The following KCTD1 variants were observed in gnomAD, a reference collection of about 807,000 sequenced individuals.
The protein encoded by KCTD1 is potassium channel tetramerization domain containing 1.
Under a neutral mutation model 66.0 loss-of-function variants are expected in KCTD1, and 24 were observed. The ratio of observed to expected loss-of-function variants is 0.36; its 90% CI spans 0.26 to 0.51. The LOEUF is 0.51. KCTD1 is among the 20% of genes least tolerant of loss of function. The probability of loss-of-function intolerance (pLI) is 0.95; values close to 1 mark genes in which losing one functional copy is unlikely to be tolerated. For missense variants in KCTD1, 943 were observed against 1,205.2 expected (o/e 0.78, Z 3.22); for synonymous variants, 511 against 517.2 (o/e 0.99, Z 0.16).
intron 1 of KCTD1, among the ~76,000 whole-genome samples, chr18:26,596,670 GTTC>G (rs1370202603): frequency 1.3e-5 from 2 of 152,166 alleles, no homozygotes; most frequent in African/African-American, 2.4e-5. Context: ...TAAATATCAG[GTTC>G]TTCTTCTGAA....
At chr18:26,486,296 A>G (rs1163329400) in intron 2 of KCTD1, among the ~76,000 whole-genome samples, 1 of 152,226 alleles carries the variant, frequency 6.6e-6, no homozygotes. Flanking sequence ...GTAACTTGCC[A>G]AGGGTTTCTG....
intron 1 of KCTD1, among the ~76,000 whole-genome samples, chr18:26,610,306 C>G (rs1987105876): frequency 2.0e-5 from 3 of 152,158 alleles, no homozygotes; most frequent in Admixed American, 6.5e-5. Context: ...GGCATGGTGG[C>G]TCATGCCTGT....
chr18:26,459,606 T>C lies in KCTD1; in HGVS notation c.2439+14A>G, dbSNP rs1170473680. 1 of 1,572,040 alleles carries C rather than the reference T, an allele frequency of 6.4e-7. No individual in the cohort carries two copies. Among genetic ancestry groups the C allele is most frequent in the Admixed American group, 1.7e-5 (1 of 57,928 alleles). On this transcript the variant is annotated intron_variant, in intron 4 of 4. Transcript: ENST00000580059. ...GTGGCATTTGATGCCACACAGTGCG[T>C]AACAATGCTATACCTGGACTGAGTT... is the stretch of plus-strand genomic sequence containing the variant.
intron 1 of KCTD1, among the ~76,000 whole-genome samples, chr18:26,542,404 A>C (rs545440673): frequency 3.9e-5 from 6 of 152,336 alleles, no homozygotes; most frequent in African/African-American, 1.2e-4. Context: ...AAAAGTTCTA[A>C]CATATGACAG....
chr18:26,530,552 A>G (rs1367070451), intron 1 of KCTD1, among the ~76,000 whole-genome samples: 1 of 152,200 alleles, frequency 6.6e-6, no homozygotes, highest in East Asian at 1.9e-4. Flanking sequence ...CCCACACCTC[A>G]CTAGGACAGC....
intron 1 of KCTD1, among the ~76,000 whole-genome samples, chr18:26,635,652 A>G (rs950737766): frequency 6.6e-6 from 1 of 152,192 alleles, no homozygotes; most frequent in African/African-American, 2.4e-5. Context: ...GTTAAAAACC[A>G]CATCAGTCAG....
chr18:26,643,845 C>T (rs1987882012), upstream of KCTD1, among the ~76,000 whole-genome samples: 1 of 152,048 alleles, frequency 6.6e-6, no homozygotes, highest in South Asian at 2.1e-4. Flanking sequence ...GCCTGTAGTC[C>T]CAGCTACTCG....
At position 26,495,241 on chromosome 18, in the gene KCTD1, C is replaced by G. The variant is rs577347997; in HGVS notation, c.1988+5831G>C. Among the ~76,000 whole-genome samples the G allele has an allele frequency of 2.0e-5, 3 of 152,232 alleles. No individual in the cohort carries two copies. The East Asian group carries it at 5.8e-4, about 29-fold the overall frequency. On this transcript the variant is annotated intron_variant, in intron 2 of 4. Transcript: ENST00000580059. ...AAAAGTGATAGCACAGAATCCCCAA[C>G]CCTAATACAGGATTACAGCAAACTC...
Position 26,500,334 on chromosome 18 carries a change from C to G in KCTD1, c.1988+738G>C, listed in dbSNP as rs543259320. Reference sequence around the variant, plus strand: ...CCTGAGAAGGCTGAGGTGGAAGGGTCACTTAAGCCCAGAAGGTCAAGGCTG... The same window carrying G: ...CCTGAGAAGGCTGAGGTGGAAGGGTGACTTAAGCCCAGAAGGTCAAGGCTG... On this transcript the variant is annotated intron_variant, in intron 2 of 4. Transcript: ENST00000580059. Among the ~76,000 whole-genome samples, 42 of 151,750 alleles carry G rather than the reference C, an allele frequency of 2.8e-4. No homozygotes were observed. The South Asian group carries it at 8.8e-3, about 32-fold the overall frequency.
Position 26,547,510 on chromosome 18 carries a change from G to A in KCTD1, c.1027C>T (p.Arg343Cys). The A allele has an allele frequency of 1.9e-6, 3 of 1,551,478 alleles. No individual in the cohort carries two copies. The highest frequency in any genetic ancestry group is 2.6e-6 in the Non-Finnish European group (3 of 1,146,994). The change falls in exon 1 of 5, where the codon CGC becomes TGC. Residue 343 changes from arginine to cysteine, a missense_variant. Physicochemically the swap from Arg to Cys is radical, Grantham distance 180. Coordinates refer to ENST00000580059, the MANE Select transcript of KCTD1 (RefSeq NM_001142730.3). ...SFGLAMDEDG[R>C]KFVYFKSLGP... ...AGGGACTTGAAGTAGACGAACTTGCGACCGTCCTCGTCCATGGCCAGCCCA... is the reference window on the plus strand; with the variant it reads ...AGGGACTTGAAGTAGACGAACTTGCAACCGTCCTCGTCCATGGCCAGCCCA...
chr18:26,636,577 T>G (rs1987728181), intron 1 of KCTD1, among the ~76,000 whole-genome samples: 1 of 152,200 alleles, frequency 6.6e-6, no homozygotes, highest in African/African-American at 2.4e-5. Context: ...GGGGAAAAAG[T>G]AATCGCGGTT....
intron 1 of KCTD1, among the ~76,000 whole-genome samples, chr18:26,528,762 T>G (rs1984292306): frequency 1.3e-5 from 2 of 152,140 alleles, no homozygotes; most frequent in South Asian, 4.1e-4. Flanking sequence ...ACTTGAAATC[T>G]CAGCTGCATT....
chr18:26,525,711 C>T (rs115606464), intron 1 of KCTD1, among the ~76,000 whole-genome samples: 402 of 152,296 alleles, frequency 2.6e-3, no homozygotes, highest in African/African-American at 9.3e-3. Flanking sequence ...AATATTTCCT[C>T]CCTCCCTGCC....
intron 1 of KCTD1, chr18:26,600,110 CT>C: frequency 6.2e-7 from 1 of 1,610,586 alleles, no homozygotes; most frequent in Non-Finnish European, 8.5e-7. Flanking sequence ...CAGGCTGCTT[CT>C]TGTGGGGAAG....
intron 1 of KCTD1, among the ~76,000 whole-genome samples, chr18:26,523,639 T>C (rs1984022780): frequency 6.6e-6 from 1 of 151,804 alleles, no homozygotes; most frequent in Non-Finnish European, 1.5e-5. Flanking sequence ...AATAATAAAA[T>C]TAAAAAATTT....
chr18:26,508,250 T>C (rs1983149563), intron 1 of KCTD1, among the ~76,000 whole-genome samples: 2 of 152,216 alleles, frequency 1.3e-5, no homozygotes, highest in African/African-American at 4.8e-5. Flanking sequence ...TTCCATTTCC[T>C]AGCTGCTTCC....
rs1283688892 is a variant in KCTD1, at chr18:26,546,934, C to G, written c.1603G>C (p.Ala535Pro). ...DVKSEAAPKR[A>P]LYESVFGSGE... ...GACCCGAACACAGACTCGTACAGGG[C>G]GCGCTTGGGCGCAGCCTCGGATTTC... Residue 535 changes from alanine (A) to proline (P), a missense_variant, in exon 1 of 5, where the codon GCC becomes CCC. By Grantham distance (27) the Ala-to-Pro change is conservative. Coordinates refer to ENST00000580059, the MANE Select transcript of KCTD1 (RefSeq NM_001142730.3). The G allele has an allele frequency of 1.4e-6, 2 of 1,475,346 alleles. No homozygotes were observed. Among genetic ancestry groups the G allele is most frequent in the Non-Finnish European group, 1.8e-6 (2 of 1,110,058 alleles). The allele number at this position is 1,475,346 out of a possible 1,614,324, so 91.4% of individuals were successfully genotyped here.
intron 1 of KCTD1, among the ~76,000 whole-genome samples, chr18:26,576,891 A>C (rs1337846873): frequency 1.3e-5 from 2 of 152,218 alleles, no homozygotes; most frequent in Non-Finnish European, 2.9e-5. Flanking sequence ...GTAAAAAATG[A>C]AGAGTGAAAC....
chr18:26,549,720 C>T, upstream of KCTD1: 13 of 985,310 alleles, frequency 1.3e-5, no homozygotes, highest in East Asian at 1.1e-4. Flanking sequence ...ATCCGGAGCG[C>T]ACTCTCACTC....
Sources: allele counts gnomAD v4.1 joint callset (sites outside exome capture counted in the v4.1 genomes callset), GRCh38; gene constraint gnomAD v4.1.1; transcripts MANE v1.5; gene names NCBI Gene and HGNC (gene_info 2026-07-23, HGNC 2026-07-21).